PCSK9: variants seen among roughly 807,000 people sequenced by gnomAD.
PCSK9 encodes the protein convertase subtilisin/kexin type 9 preproprotein.
A neutral mutation model predicts 62.1 loss-of-function variants in PCSK9; 57 were observed. That is an observed-to-expected ratio of 0.92 (90% CI 0.74 to 1.14). The LOEUF is 1.14. Among genes scored for constraint, PCSK9 ranks in the 50% most tolerant of loss-of-function variants. The probability of loss-of-function intolerance (pLI) is 0.00; values close to 1 mark genes in which losing one functional copy is unlikely to be tolerated. For synonymous variants in PCSK9, 387 were observed against 409.4 expected, an observed-to-expected ratio of 0.95 and a Z score of 0.66; for missense variants, 870 against 959.8, an observed-to-expected ratio of 0.91 and a Z score of 1.24.
rs1644625103 is a variant in PCSK9 at position 55,045,195 on chromosome 1, C to A, written c.399+1161C>A. On this transcript the variant is annotated intron_variant, in intron 2 of 11. Transcript: ENST00000302118. ...CAGGCACGAGCCCCACAGGCCAGGG[C>A]AGCTGCTCAGAGGAGAGTAGGCCAA... 4.6e-5 allele frequency among the ~76,000 whole-genome samples: 7 copies of A among 152,102 alleles called. No homozygotes were observed. The South Asian group carries it at 1.5e-3, about 32-fold the overall frequency.
rs761714505 is a variant in PCSK9, at chr1:55,063,518, C to T, written c.2013C>T (p.Ala671=). The T allele has an allele frequency of 2.4e-5, 39 of 1,613,472 alleles. No homozygotes were observed. The highest frequency in any genetic ancestry group is 5.5e-5 in the South Asian group (5 of 91,062). The change falls in exon 12 of 12, where the codon GCC becomes GCT. Residue 671 remains alanine (A), a synonymous_variant. Coordinates refer to ENST00000302118, the MANE Select transcript of PCSK9 (RefSeq NM_174936.4). ...VSTTGSTSEG[A]VTAVAICCRS... Reference sequence around the variant, plus strand: ...CTACAGGCAGCACCAGCGAAGGGGCCGTGACAGCCGTTGCCATCTGCTGCC... The same window carrying T: ...CTACAGGCAGCACCAGCGAAGGGGCTGTGACAGCCGTTGCCATCTGCTGCC...
At chr1:55,047,377 A>G (rs1359006870) in intron 3 of PCSK9, among the ~76,000 whole-genome samples, 3 of 152,180 alleles carry the variant, frequency 2.0e-5, no homozygotes, top group East Asian at 1.9e-4. Context: ...CAGCGCAGAG[A>G]TGATGCAATG....
chr1:55,044,914 A>G (rs1570294713), intron 2 of PCSK9, among the ~76,000 whole-genome samples: 1 of 152,188 alleles, frequency 6.6e-6, no homozygotes, highest in Non-Finnish European at 1.5e-5. Context: ...AGGGATTGAC[A>G]GGGTCCCTGC....
intron 11 of PCSK9, among the ~76,000 whole-genome samples, chr1:55,062,388 C>T (rs568591259): frequency 6.6e-6 from 1 of 152,314 alleles, no homozygotes; most frequent in African/African-American, 2.4e-5. Flanking sequence ...CCTGGGTACA[C>T]TGAGGGCTGC....
Position 55,057,363 on chromosome 1 carries a change from C to T in PCSK9, c.1029C>T (p.Asp343=), listed in dbSNP as rs1159305130. The T allele has an allele frequency of 1.2e-6, 2 of 1,613,930 alleles. No individual in the cohort carries two copies. The highest frequency in any genetic ancestry group is 4.5e-5 in the East Asian group (2 of 44,890). ...CAGTTGGGGCCACCAATGCCCAAGA[C>T]CAGCCGGTGACCCTGGGGACTTTGG... is the stretch of plus-strand genomic sequence containing the variant. The part of the protein sequence containing the change: ...VITVGATNAQ[D]QPVTLGTLGT... Residue 343 remains aspartate, a synonymous_variant, in exon 7 of 12, where the codon GAC becomes GAT. Coordinates refer to ENST00000302118, the MANE Select transcript of PCSK9 (RefSeq NM_174936.4).
Position 55,040,171 on chromosome 1 carries a change from C to G in PCSK9, c.207+127C>G. 7.8e-7 allele frequency: 1 copy of G among 1,274,332 alleles called. No homozygotes were observed. The highest frequency in any genetic ancestry group is 1.1e-6 in the Non-Finnish European group (1 of 925,122). The allele number at this position is 1,274,332 out of a possible 1,614,324, so 78.9% of individuals were successfully genotyped here. On this transcript the variant is annotated intron_variant, in intron 1 of 11. Transcript: ENST00000302118. This position sits in a 1 kb window ranked among gnomAD's most constrained non-coding sequence, Gnocchi z 4.1. Reference sequence around the variant, plus strand: ...GGAGTGCAGGTCGCCGAGGGCTCTTCGCTTGGCACGATCTTGGGGACTGCA... The same window carrying G: ...GGAGTGCAGGTCGCCGAGGGCTCTTGGCTTGGCACGATCTTGGGGACTGCA...
In PCSK9 at chr1:55,063,462, A is replaced by T; in HGVS notation, c.1957A>T (p.Thr653Ser). Reference protein sequence around the residue: ...HVLGAYAVDNTCVVRSRDVST... With the variant: ...HVLGAYAVDNSCVVRSRDVST... The stretch of plus-strand genomic sequence containing the variant: ...CCTGGGGGCCTACGCCGTAGACAAC[A>T]CGTGTGTAGTCAGGAGCCGGGACGT... Residue 653 changes from threonine to serine, a missense_variant, in exon 12 of 12, where the codon ACG becomes TCG. Transcript: ENST00000302118. 1 of 1,614,064 alleles carries T rather than the reference A, an allele frequency of 6.2e-7. No homozygotes were observed. Among genetic ancestry groups the T allele is most frequent in the Non-Finnish European group, 8.5e-7 (1 of 1,179,996 alleles).
chr1:55,058,065 C>G lies in PCSK9; in HGVS notation c.1210C>G (p.Pro404Ala), dbSNP rs1186821394. Residue 404 changes from proline to alanine, a missense_variant, in exon 8 of 12, where the codon CCG becomes GCG. Physicochemically the swap from Pro to Ala is conservative, Grantham distance 27 (BLOSUM62 -1). Coordinates refer to ENST00000302118, the MANE Select transcript of PCSK9 (RefSeq NM_174936.4). ...GIAAMMLSAE[P>A]ELTLAELRQR... is the part of the protein sequence containing the mutation. ...TGCAGCCATGATGCTGTCTGCCGAG[C>G]CGGAGCTCACCCTGGCCGAGTTGAG... 6.2e-7 allele frequency: 1 copy of G among 1,613,706 alleles called. No homozygotes were observed. The highest frequency in any genetic ancestry group is 1.7e-5 in the Admixed American group (1 of 60,010).
At chr1:55,043,381 G>C (rs1644610130) in intron 1 of PCSK9, among the ~76,000 whole-genome samples, 1 of 152,226 alleles carries the variant, frequency 6.6e-6, no homozygotes, top group South Asian at 2.1e-4. Flanking sequence ...GAGGCTCCGA[G>C]AGGTTGAGTG....
rs1476027018 is a variant in PCSK9 at position 55,059,248 on chromosome 1, CTCTA to C, written c.1504-234_1504-231del. Among the ~76,000 whole-genome samples the C allele has an allele frequency of 2.0e-5, 3 of 152,172 alleles. No homozygotes were observed. In the East Asian group the frequency reaches 5.8e-4, roughly 29 times the overall value. On this transcript the variant is annotated intron_variant, in intron 9 of 11. Coordinates refer to ENST00000302118, the MANE Select transcript of PCSK9 (RefSeq NM_174936.4). Reference sequence around the variant, plus strand: ...CCTTGCTTTGGCCTCCTGGATTTCTCTCTATCTCCATTTTGAAACCACTCTGTGT... The same window carrying C: ...CCTTGCTTTGGCCTCCTGGATTTCTCTCTCCATTTTGAAACCACTCTGTGT...
intron 10 of PCSK9, 80 bp from the exon 11 acceptor site, chr1:55,061,295 A>C: frequency 6.9e-7 from 1 of 1,440,254 alleles, no homozygotes; most frequent in Non-Finnish European, 9.4e-7. Flanking sequence ...GACCTTAAAG[A>C]GAGAGGGTCT....
rs1191762730 is a variant in PCSK9, at chr1:55,040,065, G to T, written c.207+21G>T. 3 of 1,549,422 alleles carry T rather than the reference G, an allele frequency of 1.9e-6. No homozygotes were observed. The highest frequency in any genetic ancestry group is 2.6e-6 in the Non-Finnish European group (3 of 1,146,842). ...CCAAGGTGCGGGTGTAGGGATGGGA[G>T]GCCGGGGCGAACCCGCAGCCGGGAC... is the stretch of plus-strand genomic sequence containing the variant. On this transcript the variant is annotated intron_variant, in intron 1 of 11. Coordinates refer to ENST00000302118, the MANE Select transcript of PCSK9 (RefSeq NM_174936.4). This position sits in a 1 kb window ranked among gnomAD's most constrained non-coding sequence, Gnocchi z 4.1.
At chr1:55,041,793 G>A (rs553120411) in intron 1 of PCSK9, among the ~76,000 whole-genome samples, 9 of 152,182 alleles carry the variant, frequency 5.9e-5, no homozygotes, top group East Asian at 1.9e-4. Context: ...TTTATTTAGC[G>A]GAAGGCATTT....
At chr1:55,055,949 G>T in intron 5 of PCSK9, 44 bp from the exon 6 acceptor site, 1 of 1,539,396 alleles carries the variant, frequency 6.5e-7, no homozygotes, top group South Asian at 1.2e-5. Context: ...TGGGAAAGGG[G>T]AGCAGGTCTC....
chr1:55,064,134 G>GCCAT lies in PCSK9; in HGVS notation c.*553_*554insTCCA, dbSNP rs1644783835. 1 of 155,654 alleles carries GCCAT rather than the reference G, an allele frequency of 6.4e-6. No homozygotes were observed. Among genetic ancestry groups the GCCAT allele is most frequent in the Admixed American group, 6.3e-5 (1 of 15,862 alleles). The allele number at this position is 155,654 out of a possible 1,614,324, so 9.6% of individuals were successfully genotyped here. A position where few individuals can be genotyped will look rare whatever the true frequency, so the allele number is the denominator to read the frequency against. ...GGCTTAGCTTTCTGGATGGCATCTA[G>GCCAT]CCAGAGGCTGGAGACAGGTGCGCCC... On this transcript the variant is annotated 3_prime_UTR_variant, in exon 12 of 12. Transcript: ENST00000302118.
At position 55,061,538 on chromosome 1, in the gene PCSK9, C is replaced by T; in HGVS notation, c.1845C>T (p.Ile615=). ...AATGCAAAGTCAAGGAGCATGGAAT[C>T]CCGGCCCCTCAGGAGCAGGTGAAGA... ...GLECKVKEHG[I]PAPQEQVTVA... Residue 615 remains isoleucine, a synonymous_variant, in exon 11 of 12, where the codon ATC becomes ATT. Transcript: ENST00000302118. The T allele has an allele frequency of 1.3e-6, 2 of 1,599,432 alleles. No individual in the cohort carries two copies. Among genetic ancestry groups the T allele is most frequent in the Non-Finnish European group, 1.7e-6 (2 of 1,173,352 alleles).
chr1:55,043,958 T>G lies in PCSK9; in HGVS notation c.323T>G (p.Leu108Arg), dbSNP rs1057519691. The change falls in exon 2 of 12, where the codon CTC becomes CGC. Residue 108 changes from leucine to arginine, a missense_variant. Coordinates refer to ENST00000302118, the MANE Select transcript of PCSK9 (RefSeq NM_174936.4). ...GCCCAGGCTGCCCGCCGGGGATACC[T>G]CACCAAGATCCTGCATGTCTTCCAT... is the stretch of plus-strand genomic sequence containing the variant. ...LQAQAARRGY[L>R]TKILHVFHGL... is the part of the protein sequence containing the mutation. 6.2e-7 allele frequency: 1 copy of G among 1,614,162 alleles called. No homozygotes were observed. Among genetic ancestry groups the G allele is most frequent in the South Asian group, 1.1e-5 (1 of 91,082 alleles).
intron 3 of PCSK9, chr1:55,052,000 T>C: frequency 1.9e-6 from 1 of 518,232 alleles, no homozygotes; most frequent in South Asian, 2.1e-5. Flanking sequence ...TTGATATTCA[T>C]ATGAAGGAGC....
Position 55,040,896 on chromosome 1 carries a change from C to T in PCSK9, c.207+852C>T, listed in dbSNP as rs1485388966. ...CCCTCAGGCTGTGGGAAGCTTCTTCCCGGGGCGAGACCACTAGCTTTTTCT... is the reference window on the plus strand; with the variant it reads ...CCCTCAGGCTGTGGGAAGCTTCTTCTCGGGGCGAGACCACTAGCTTTTTCT... On this transcript the variant is annotated intron_variant, in intron 1 of 11. Coordinates refer to ENST00000302118, the MANE Select transcript of PCSK9 (RefSeq NM_174936.4). The surrounding 1 kb of genome is among the most constrained non-coding windows in gnomAD (Gnocchi z 4.1). Among the ~76,000 whole-genome samples the T allele has an allele frequency of 1.3e-5, 2 of 152,186 alleles. No homozygotes were observed. The highest frequency in any genetic ancestry group is 3.9e-4 in the East Asian group (2 of 5,184).
Sources: gnomAD v4.1 joint callset for allele counts (sites outside exome capture counted in the v4.1 genomes callset) on GRCh38, gnomAD v4.1.1 for gene constraint, Gnocchi (gnomAD v3.1) non-coding constraint, MANE v1.5 for transcripts, NCBI Gene and HGNC (gene_info 2026-07-23, HGNC 2026-07-21) for gene names.